COL5A1: variants seen among roughly 807,000 people sequenced by gnomAD.
The protein encoded by COL5A1 is collagen alpha-1(V) chain.
In COL5A1, 16 loss-of-function variants were observed where a neutral mutation model predicts 263.7. That is an observed-to-expected ratio of 0.06 (90% CI 0.04 to 0.09). The LOEUF (loss-of-function observed/expected upper bound fraction) is 0.09, where lower values mean the gene tolerates loss of function less well. Among genes scored for constraint, COL5A1 ranks in the 10% least tolerant of loss-of-function variants. The probability of loss-of-function intolerance (pLI) is 1.00; values close to 1 mark genes in which losing one functional copy is unlikely to be tolerated. For missense variants in COL5A1, 2,036 were observed against 2,540.5 expected (o/e 0.80, Z 4.27); for synonymous variants, 1,012 against 1,004.5 (o/e 1.01, Z -0.14).
chr9:134,800,619 C>T (rs557210604), intron 37 of COL5A1, among the ~76,000 whole-genome samples: 1 of 152,202 alleles, frequency 6.6e-6, no homozygotes, highest in East Asian at 1.9e-4. Flanking sequence ...GTGGCAGGCA[C>T]CTGTAATCCC....
intron 59 of COL5A1, 50 bp downstream of exon 59, chr9:134,822,200 G>T: frequency 7.2e-7 from 1 of 1,379,444 alleles, no homozygotes. Flanking sequence ...AGGGAGGGTG[G>T]GGATAAGCCT....
chr9:134,708,326 G>A (rs373276474), intron 4 of COL5A1: 89 of 316,722 alleles, frequency 2.8e-4, no homozygotes, highest in South Asian at 2.0e-3. Context: ...AGGGCTTCTC[G>A]GAGGCAGTGT....
rs762698462 is a variant in COL5A1 at position 134,823,003 on chromosome 9, G to T, written c.4614G>T (p.Pro1538=). 6.2e-7 allele frequency: 1 copy of T among 1,614,072 alleles called. No individual in the cohort carries two copies. Among genetic ancestry groups the T allele is most frequent in the Admixed American group, 1.7e-5 (1 of 60,016 alleles). ...GPPGPPGLPG[P]PGPKGAKGSS... is the part of the protein sequence containing the mutation. The stretch of plus-strand genomic sequence containing the variant: ...CTGCCCTCCTCTCTCTGCAGGGTCC[G>T]CCTGGTCCAAAAGGTGCTAAGGGCT... The change falls in exon 60 of 66, where the codon CCG becomes CCT. Residue 1538 remains proline, a synonymous_variant. Coordinates refer to ENST00000371817, the MANE Select transcript of COL5A1 (RefSeq NM_000093.5).
At position 134,745,357 on chromosome 9, in the gene COL5A1, C is replaced by A. The variant is rs182369525; in HGVS notation, c.1495-5185C>A. On this transcript the variant is annotated intron_variant, in intron 11 of 65. Transcript: ENST00000371817. ...GGAGCTGCATGAATGGCGCCAAGTG[C>A]ACTATGCTGTAGGACCCCATGCAGG... Among the ~76,000 whole-genome samples the A allele has an allele frequency of 6.0e-4, 92 of 152,342 alleles. 1 individual carries two copies. The highest frequency in any genetic ancestry group is 2.2e-3 in the African/African-American group (90 of 41,564).
chr9:134,771,854 C>T (rs1311352784), intron 25 of COL5A1, among the ~76,000 whole-genome samples: 2 of 152,212 alleles, frequency 1.3e-5, no homozygotes, highest in African/African-American at 4.8e-5. Context: ...CTGGAATCCT[C>T]GTTGGTGGAA....
chr9:134,813,445 A>G (rs1040852033), intron 48 of COL5A1, among the ~76,000 whole-genome samples: 2 of 152,186 alleles, frequency 1.3e-5, no homozygotes, highest in South Asian at 4.1e-4. Flanking sequence ...ATTTTTTATG[A>G]TACAGAAATT....
At chr9:134,699,436 T>C (rs2132568381) in intron 2 of COL5A1, among the ~76,000 whole-genome samples, 1 of 152,098 alleles carries the variant, frequency 6.6e-6, no homozygotes, top group South Asian at 2.1e-4. Context: ...CCTTCTCCCT[T>C]CCTCTCTCTG....
At position 134,820,190 on chromosome 9, in the gene COL5A1, C is replaced by T. The variant is rs552985514; in HGVS notation, c.4521C>T (p.Gly1507=). 2.9e-5 allele frequency: 47 copies of T among 1,613,794 alleles called. No individual in the cohort carries two copies. The South Asian group carries it at 4.7e-4, about 16-fold the overall frequency. Residue 1507 remains glycine (G), a synonymous_variant, in exon 58 of 66, where the codon GGC becomes GGT. Transcript: ENST00000371817. The part of the protein sequence containing the change: ...QGEKGDRGLP[G]PQGSSGPKGE... ...AGAAGGGCGACCGTGGTCTCCCTGG[C>T]CCCCAGGGCTCCTCCGGTCCTAAGG... is the stretch of plus-strand genomic sequence containing the variant.
At position 134,681,587 on chromosome 9, in the gene COL5A1, C is replaced by A. The variant is rs566749703; in HGVS notation, c.110-9325C>A. Among the ~76,000 whole-genome samples the A allele has an allele frequency of 2.1e-4, 32 of 152,162 alleles. No homozygotes were observed. Among genetic ancestry groups the A allele is most frequent in the African/African-American group, 7.0e-4 (29 of 41,546 alleles). On this transcript the variant is annotated intron_variant, in intron 1 of 65. Transcript: ENST00000371817. This position sits in a 1 kb window ranked among gnomAD's most constrained non-coding sequence, Gnocchi z 4.3. ...TGTCACTGGCTCCAGAGTGGAATAG[C>A]GCTTGGGACTGGGGTGGACTGGGCA... is the stretch of plus-strand genomic sequence containing the variant.
chr9:134,825,714 G>A (rs1202763165), intron 62 of COL5A1, 78 bp from the exon 63 acceptor site: 1 of 917,614 alleles, frequency 1.1e-6, no homozygotes, highest in African/African-American at 1.6e-5. Flanking sequence ...GGACTGAAAT[G>A]TCACAGCGGC....
In COL5A1 at chr9:134,682,887, G is replaced by A. The variant is rs1224161486; in HGVS notation, c.110-8025G>A. On this transcript the variant is annotated intron_variant, in intron 1 of 65. Coordinates refer to ENST00000371817, the MANE Select transcript of COL5A1 (RefSeq NM_000093.5). This position sits in a 1 kb window ranked among gnomAD's most constrained non-coding sequence, Gnocchi z 5.1. ...GCACATCATCCGGTGGGGACAGACA[G>A]CCTGGGCTTCAAAGGCAGCCGACCC... Among the ~76,000 whole-genome samples the A allele has an allele frequency of 2.0e-5, 3 of 152,198 alleles. No homozygotes were observed. Among genetic ancestry groups the A allele is most frequent in the Non-Finnish European group, 4.4e-5 (3 of 68,034 alleles).
At chr9:134,744,191 G>A (rs1233080129) in intron 11 of COL5A1, among the ~76,000 whole-genome samples, 1 of 152,188 alleles carries the variant, frequency 6.6e-6, no homozygotes, top group Non-Finnish European at 1.5e-5. Context: ...GATGGGACAC[G>A]CCAATCCAGT....
chr9:134,812,399 G>C, intron 46 of COL5A1, 50 bp from the exon 47 acceptor site: 1 of 1,581,762 alleles, frequency 6.3e-7, no homozygotes, highest in Non-Finnish European at 8.7e-7. Context: ...GTGTGTGTTT[G>C]ACATACACAT....
In COL5A1 at chr9:134,823,557, C is replaced by A. The variant is rs189448385; in HGVS notation, c.4698+88C>A. On this transcript the variant is annotated intron_variant, in intron 61 of 65. Coordinates refer to ENST00000371817, the MANE Select transcript of COL5A1 (RefSeq NM_000093.5). Reference sequence around the variant, plus strand: ...GAAAGCAACTGTGTGTGTGTGACCCCTCCTGAGACTCATGAAGCCCATGTG... The same window carrying A: ...GAAAGCAACTGTGTGTGTGTGACCCATCCTGAGACTCATGAAGCCCATGTG... 4 of 1,369,356 alleles carry A rather than the reference C, an allele frequency of 2.9e-6. No homozygotes were observed. In the African/African-American group the frequency reaches 5.7e-5, roughly 20 times the overall value. The allele number at this position is 1,369,356 out of a possible 1,614,324, so 84.8% of individuals were successfully genotyped here. A position where few individuals can be genotyped will look rare whatever the true frequency, so the allele number is the denominator to read the frequency against.
intron 4 of COL5A1, among the ~76,000 whole-genome samples, chr9:134,719,939 G>A (rs763140106): frequency 2.3e-4 from 35 of 152,176 alleles, no homozygotes; most frequent in African/African-American, 8.0e-4. Flanking sequence ...GGTTCCTTGC[G>A]CTTGTGTGCC....
In COL5A1 at chr9:134,843,745, C is replaced by T. The variant is rs1301463571; in HGVS notation, c.*1442C>T. On this transcript the variant is annotated 3_prime_UTR_variant, in exon 66 of 66. Transcript: ENST00000371817. ...GCTAATTTCTGTGTTTGTTCCAAGC[C>T]GTTCAGTCATGCCATGCGCTGCCTC... The T allele has an allele frequency of 1.3e-5, 2 of 152,692 alleles. No homozygotes were observed. The highest frequency in any genetic ancestry group is 6.5e-5 in the Admixed American group (1 of 15,284). 9.5% of individuals were successfully genotyped at this position (152,692 alleles called of 1,614,324 possible).
Position 134,842,361 on chromosome 9 carries a change from C to G in COL5A1, c.*58C>G. 6.3e-7 allele frequency: 1 copy of G among 1,599,780 alleles called. No individual in the cohort carries two copies. Among genetic ancestry groups the G allele is most frequent in the South Asian group, 1.1e-5 (1 of 90,048 alleles). On this transcript the variant is annotated 3_prime_UTR_variant, in exon 66 of 66. Coordinates refer to ENST00000371817, the MANE Select transcript of COL5A1 (RefSeq NM_000093.5). This position sits in a 1 kb window ranked among gnomAD's most constrained non-coding sequence, Gnocchi z 5.8. ...TCGTGACCTCAGCATGCCATTCGTT[C>G]GTGAGTGTCCCGTGCACGTCCTGAC...
At position 134,758,311 on chromosome 9, in the gene COL5A1, T is replaced by G; in HGVS notation, c.1935+15T>G. 1 of 1,613,670 alleles carries G rather than the reference T, an allele frequency of 6.2e-7. No homozygotes were observed. The highest frequency in any genetic ancestry group is 8.5e-7 in the Non-Finnish European group (1 of 1,179,670). On this transcript the variant is annotated intron_variant, in intron 18 of 65. Coordinates refer to ENST00000371817, the MANE Select transcript of COL5A1 (RefSeq NM_000093.5). This position sits in a 1 kb window ranked among gnomAD's most constrained non-coding sequence, Gnocchi z 4.1. ...AGGGCCACAGGGTGAGTATTTCCTC[T>G]GTGAGACACAGGCATGACGATGGGC...
chr9:134,785,976 C>T lies in COL5A1; in HGVS notation c.2593-19C>T. The T allele has an allele frequency of 6.2e-7, 1 of 1,610,234 alleles. No homozygotes were observed. Among genetic ancestry groups the T allele is most frequent in the Non-Finnish European group, 8.5e-7 (1 of 1,177,206 alleles). ...AGCAATACCGTGCTGGCCATTAATG[C>T]AACTCTTTCTTCCCCCAGGGAAAAC... is the stretch of plus-strand genomic sequence containing the variant. On this transcript the variant is annotated intron_variant, in intron 30 of 65. Transcript: ENST00000371817.
Sources: allele counts gnomAD v4.1 joint callset (sites outside exome capture counted in the v4.1 genomes callset), GRCh38; gene constraint gnomAD v4.1.1; non-coding constraint Gnocchi (gnomAD v3.1); transcripts MANE v1.5; gene names NCBI Gene and HGNC (gene_info 2026-07-23, HGNC 2026-07-21).